The following SLC41A2 variants were observed in gnomAD, a reference collection of about 807,000 sequenced individuals.
The protein encoded by SLC41A2 is SLC41A1-like 1.
In SLC41A2, 32 loss-of-function variants were observed where a neutral mutation model predicts 58.3. The ratio of observed to expected loss-of-function variants is 0.55; its 90% confidence interval spans 0.41 to 0.74. The LOEUF (loss-of-function observed/expected upper bound fraction) is 0.74. Among genes scored for constraint, SLC41A2 ranks in the 30% least tolerant of loss-of-function variants. The pLI is 0.00. For missense variants in SLC41A2, 514 were observed against 680.6 expected (o/e 0.76, Z 2.72); for synonymous variants, 190 against 235.0 (o/e 0.81, Z 1.75).
chr12:104,803,675 A>G lies in SLC41A2; in HGVS notation c.*1477T>C, dbSNP rs1378823377. 2 of 152,206 alleles carry G rather than the reference A, an allele frequency of 1.3e-5. No homozygotes were observed. Among genetic ancestry groups the G allele is most frequent in the Non-Finnish European group, 2.9e-5 (2 of 68,026 alleles). The allele number at this position is 152,206 out of a possible 1,614,324, so 9.4% of individuals were successfully genotyped here. A position where few individuals can be genotyped will look rare whatever the true frequency, so the allele number is the denominator to read the frequency against. On this transcript the variant is annotated 3_prime_UTR_variant, in exon 11 of 11. Coordinates refer to ENST00000258538, the MANE Select transcript of SLC41A2 (RefSeq NM_001352171.3). ...AAAATGAACCACATGTACTTTAAAA[A>G]TGGTTACCTATTCAATAACTAAGGT...
intron 3 of SLC41A2, among the ~76,000 whole-genome samples, chr12:104,906,500 CT>C (rs1287228005): frequency 1.3e-5 from 2 of 152,154 alleles, no homozygotes; most frequent in African/African-American, 4.8e-5. Context: ...CAGTGGCTCT[CT>C]CTACAACACC....
chr12:104,886,650 G>A (rs537647683), intron 5 of SLC41A2, among the ~76,000 whole-genome samples: 1 of 152,082 alleles, frequency 6.6e-6, no homozygotes, highest in African/African-American at 2.4e-5. Flanking sequence ...AATTTAAGAA[G>A]TTCAGCATTG....
intron 4 of SLC41A2, among the ~76,000 whole-genome samples, chr12:104,892,128 C>T (rs1451671394): frequency 5.3e-5 from 8 of 151,544 alleles, no homozygotes; most frequent in Non-Finnish European, 1.0e-4. Flanking sequence ...GGTGAAACCC[C>T]ATCTCTACTA....
intron 3 of SLC41A2, among the ~76,000 whole-genome samples, chr12:104,908,738 A>G (rs762690441): frequency 2.0e-5 from 3 of 152,236 alleles, no homozygotes; most frequent in Non-Finnish European, 4.4e-5. Flanking sequence ...GCTTCTGAAA[A>G]TAACTCAGAA....
intron 10 of SLC41A2, among the ~76,000 whole-genome samples, chr12:104,836,136 C>A (rs890466001): frequency 6.6e-6 from 1 of 152,158 alleles, no homozygotes; most frequent in African/African-American, 2.4e-5. Flanking sequence ...GAGTCCCACA[C>A]CCAGCCCCAA....
At chr12:104,816,081 T>C (rs1372136718) in intron 10 of SLC41A2, among the ~76,000 whole-genome samples, 1 of 152,152 alleles carries the variant, frequency 6.6e-6, no homozygotes, top group Non-Finnish European at 1.5e-5. Context: ...TAGCAAGTGG[T>C]AGAGTCAAAC....
chr12:104,841,464 TG>T (rs1297297088), intron 10 of SLC41A2, among the ~76,000 whole-genome samples: 1 of 152,038 alleles, frequency 6.6e-6, no homozygotes, highest in Non-Finnish European at 1.5e-5. Context: ...GGGACAGGGC[TG>T]GGTGCTGGAG....
intron 3 of SLC41A2, among the ~76,000 whole-genome samples, chr12:104,898,357 A>C (rs952427516): frequency 3.3e-5 from 5 of 152,156 alleles, no homozygotes; most frequent in African/African-American, 9.7e-5. Context: ...GTTATAAGCA[A>C]GACTTAGGAT....
intron 1 of SLC41A2, among the ~76,000 whole-genome samples, chr12:104,950,050 T>C (rs1020021457): frequency 6.6e-6 from 1 of 152,040 alleles, no homozygotes; most frequent in African/African-American, 2.4e-5. Flanking sequence ...AGCAGCAAAA[T>C]GAGAAACTTG....
At chr12:104,877,833 T>C (rs1375831888) in intron 6 of SLC41A2, among the ~76,000 whole-genome samples, 1 of 152,002 alleles carries the variant, frequency 6.6e-6, no homozygotes, top group Non-Finnish European at 1.5e-5. Flanking sequence ...ACCCCGTCTC[T>C]ACTAAAAATA....
Position 104,958,135 on chromosome 12 carries a change from C to G in SLC41A2, c.-215G>C, listed in dbSNP as rs1041557521. On this transcript the variant is annotated 5_prime_UTR_variant, in exon 1 of 11. Coordinates refer to ENST00000258538, the MANE Select transcript of SLC41A2 (RefSeq NM_001352171.3). ...CAGCGGCCGGTGTGAGAAGGGTCCC[C>G]GTCTCCTCAGACCAGACCGAGACAC... is the stretch of plus-strand genomic sequence containing the variant. 2.0e-5 allele frequency: 3 copies of G among 152,226 alleles called. No individual in the cohort carries two copies. The highest frequency in any genetic ancestry group is 4.4e-5 in the Non-Finnish European group (3 of 68,416). 9.4% of individuals were successfully genotyped at this position (152,226 alleles called of 1,614,324 possible).
intron 10 of SLC41A2, among the ~76,000 whole-genome samples, chr12:104,806,941 G>A (rs2040933871): frequency 1.3e-5 from 2 of 152,178 alleles, no homozygotes; most frequent in South Asian, 4.1e-4. Flanking sequence ...ACTTGTTTGA[G>A]TTCATTGTAA....
intron 1 of SLC41A2, among the ~76,000 whole-genome samples, chr12:104,957,329 C>G (rs1006949632): frequency 6.6e-6 from 1 of 152,086 alleles, no homozygotes; most frequent in Non-Finnish European, 1.5e-5. Context: ...ACAGGCAAAC[C>G]CATATAAACA....
intron 10 of SLC41A2, among the ~76,000 whole-genome samples, chr12:104,814,046 ATATT>A (rs1339656278): frequency 3.9e-5 from 6 of 152,212 alleles, no homozygotes; most frequent in Non-Finnish European, 8.8e-5. Flanking sequence ...GAATTTACAC[ATATT>A]TATGTATGTA....
chr12:104,880,088 G>A (rs2044283070), intron 6 of SLC41A2, among the ~76,000 whole-genome samples: 1 of 152,118 alleles, frequency 6.6e-6, no homozygotes, highest in Non-Finnish European at 1.5e-5. Context: ...GATTGAATGG[G>A]AGTTCACTCA....
At chr12:104,902,271 C>A (rs1182264371) in intron 3 of SLC41A2, among the ~76,000 whole-genome samples, 1 of 151,918 alleles carries the variant, frequency 6.6e-6, no homozygotes, top group Non-Finnish European at 1.5e-5. Context: ...AAACAACAGG[C>A]AAATAAATCA....
At chr12:104,937,548 T>G (rs2047333386) in intron 1 of SLC41A2, among the ~76,000 whole-genome samples, 1 of 152,204 alleles carries the variant, frequency 6.6e-6, no homozygotes, top group Non-Finnish European at 1.5e-5. Flanking sequence ...CTCTACCATC[T>G]AGGTTTGTGT....
At chr12:104,817,478 A>T (rs552460962) in intron 10 of SLC41A2, among the ~76,000 whole-genome samples, 1 of 152,238 alleles carries the variant, frequency 6.6e-6, no homozygotes, top group African/African-American at 2.4e-5. Flanking sequence ...TTACTTTTTA[A>T]ACACTTTTGT....
intron 1 of SLC41A2, among the ~76,000 whole-genome samples, chr12:104,938,371 T>C (rs1481086527): frequency 6.6e-6 from 1 of 152,206 alleles, no homozygotes; most frequent in Non-Finnish European, 1.5e-5. Flanking sequence ...ATGTTATTAT[T>C]ACTCCCCGTT....
Sources: allele counts gnomAD v4.1 joint callset (sites outside exome capture counted in the v4.1 genomes callset), GRCh38; gene constraint gnomAD v4.1.1; transcripts MANE v1.5; gene names NCBI Gene and HGNC (gene_info 2026-07-23, HGNC 2026-07-21).